PAPPA2: variants seen among roughly 807,000 people sequenced by gnomAD.
The protein encoded by PAPPA2 is pappalysin-2.
In PAPPA2, 86 loss-of-function variants were observed where a neutral mutation model predicts 176.4. The observed-to-expected ratio is 0.49, with a 90% CI of 0.41 to 0.58. PAPPA2 has a LOEUF of 0.58. PAPPA2 is among the 20% of genes least tolerant of loss of function. The pLI is 0.00. For missense variants in PAPPA2, 2,073 were observed against 2,256.9 expected, an observed-to-expected ratio of 0.92 and a Z score of 1.65; for synonymous variants, 809 against 852.2, an observed-to-expected ratio of 0.95 and a Z score of 0.88.
chr1:176,560,243 TAAAGA>T (rs1264924209), intron 2 of PAPPA2, among the ~76,000 whole-genome samples: 1 of 152,144 alleles, frequency 6.6e-6, no homozygotes, highest in Non-Finnish European at 1.5e-5. Flanking sequence ...TAGCAACTAG[TAAAGA>T]AAAGAAAATC....
At chr1:176,620,938 A>G (rs1486979515) in intron 3 of PAPPA2, among the ~76,000 whole-genome samples, 2 of 152,202 alleles carry the variant, frequency 1.3e-5, no homozygotes, top group South Asian at 2.1e-4. Context: ...TACTAAAGGT[A>G]CATTCTGCCT....
intron 17 of PAPPA2, among the ~76,000 whole-genome samples, chr1:176,786,179 G>T (rs1664927129): frequency 6.6e-6 from 1 of 152,126 alleles, no homozygotes. Context: ...CCTCGTTAGA[G>T]TAAAAAAGAG....
At chr1:176,665,045 A>T (rs1213870431) in intron 3 of PAPPA2, among the ~76,000 whole-genome samples, 1 of 152,116 alleles carries the variant, frequency 6.6e-6, no homozygotes, top group African/African-American at 2.4e-5. Flanking sequence ...TGTGTCATAG[A>T]AAGAGTATTA....
chr1:176,650,135 T>C (rs2102741211), intron 3 of PAPPA2, among the ~76,000 whole-genome samples: 1 of 151,698 alleles, frequency 6.6e-6, no homozygotes, highest in East Asian at 2.0e-4. Context: ...GTCCCCTTTG[T>C]CATTATATGG....
intron 2 of PAPPA2, among the ~76,000 whole-genome samples, chr1:176,579,916 T>A (rs976394434): frequency 6.6e-5 from 10 of 152,246 alleles, no homozygotes; most frequent in African/African-American, 2.2e-4. Context: ...TAAATCGATA[T>A]GTAATAATTG....
At chr1:176,799,456 C>T (rs1665579647) in intron 20 of PAPPA2, among the ~76,000 whole-genome samples, 1 of 152,170 alleles carries the variant, frequency 6.6e-6, no homozygotes, top group South Asian at 2.1e-4. Flanking sequence ...TGATTTCACA[C>T]TAGCCCTGTG....
intron 1 of PAPPA2, among the ~76,000 whole-genome samples, chr1:176,485,337 T>A (rs550520118): frequency 1.3e-5 from 2 of 152,278 alleles, no homozygotes; most frequent in South Asian, 4.1e-4. Flanking sequence ...TTTTTTCTTC[T>A]GTGTCACTCC....
At chr1:176,761,397 A>G (rs1663693405) in intron 14 of PAPPA2, among the ~76,000 whole-genome samples, 1 of 152,180 alleles carries the variant, frequency 6.6e-6, no homozygotes, top group South Asian at 2.1e-4. Context: ...AACACGTTGT[A>G]ATGGGGTGGG....
At chr1:176,631,119 C>T (rs1321912809) in intron 3 of PAPPA2, among the ~76,000 whole-genome samples, 1 of 152,038 alleles carries the variant, frequency 6.6e-6, no homozygotes, top group Non-Finnish European at 1.5e-5. Context: ...GCTATGTAGT[C>T]CCAGGAATTT....
At chr1:176,820,068 C>T (rs1666594877) in intron 21 of PAPPA2, among the ~76,000 whole-genome samples, 1 of 152,020 alleles carries the variant, frequency 6.6e-6, no homozygotes, top group East Asian at 1.9e-4. Flanking sequence ...TATTTGGCCT[C>T]TATTTCATTG....
chr1:176,676,378 C>T (rs1395718200), intron 4 of PAPPA2, among the ~76,000 whole-genome samples: 1 of 151,596 alleles, frequency 6.6e-6, no homozygotes, highest in Non-Finnish European at 1.5e-5. Context: ...CTGTGTACAT[C>T]GACACAATGA....
Position 176,576,655 on chromosome 1 carries a change from C to T in PAPPA2, c.920-17869C>T, listed in dbSNP as rs536996455. 6.6e-5 allele frequency among the ~76,000 whole-genome samples: 10 copies of T among 152,224 alleles called. No homozygotes were observed. The South Asian group carries it at 2.1e-3, about 32-fold the overall frequency. On this transcript the variant is annotated intron_variant, in intron 2 of 22. Coordinates refer to ENST00000367662, the MANE Select transcript of PAPPA2 (RefSeq NM_020318.3). ...ATTGTGGTCTGCCCTGATTTGGAGTCCTGCTCCTCAGTGTATGGTTTGAGA... is the reference window on the plus strand; with the variant it reads ...ATTGTGGTCTGCCCTGATTTGGAGTTCTGCTCCTCAGTGTATGGTTTGAGA...
chr1:176,800,151 C>G lies in PAPPA2; in HGVS notation c.5202+19C>G, dbSNP rs1247613665. 6.2e-7 allele frequency: 1 copy of G among 1,612,746 alleles called. No individual in the cohort carries two copies. The highest frequency in any genetic ancestry group is 1.3e-5 in the African/African-American group (1 of 74,870). On this transcript the variant is annotated intron_variant, in intron 21 of 22. Transcript: ENST00000367662. ...ATGTGAGGTAAGATAGCCTCCCCTT[C>G]CCCAACTCAGACTAGAGAACTCAGG...
At chr1:176,766,042 G>C (rs961419725) in intron 15 of PAPPA2, among the ~76,000 whole-genome samples, 1 of 152,148 alleles carries the variant, frequency 6.6e-6, no homozygotes, top group African/African-American at 2.4e-5. Flanking sequence ...TAAGTGGGTT[G>C]GTGGGCAGTA....
chr1:176,595,350 G>A lies in PAPPA2; in HGVS notation c.1746G>A (p.Val582=). The part of the protein sequence containing the change: ...VHNSTLRHRV[V]LVNCEPSKIG... ...ATTCCACCCTGCGACACCGGGTTGT[G>A]CTTGTGAACTGTGAGCCCAGCAAGA... is the stretch of plus-strand genomic sequence containing the variant. The change falls in exon 3 of 23, where the codon GTG becomes GTA. Residue 582 remains valine (V), a synonymous_variant. Coordinates refer to ENST00000367662, the MANE Select transcript of PAPPA2 (RefSeq NM_020318.3). 6.2e-7 allele frequency: 1 copy of A among 1,614,188 alleles called. No individual in the cohort carries two copies. The highest frequency in any genetic ancestry group is 8.5e-7 in the Non-Finnish European group (1 of 1,180,030).
chr1:176,482,152 A>G (rs1473621663), intron 1 of PAPPA2, among the ~76,000 whole-genome samples: 3 of 152,332 alleles, frequency 2.0e-5, no homozygotes, highest in South Asian at 2.1e-4. Flanking sequence ...ATCTCACTGC[A>G]TAGAGGTAAA....
At chr1:176,512,115 A>T (rs1648634303) in intron 1 of PAPPA2, among the ~76,000 whole-genome samples, 1 of 152,058 alleles carries the variant, frequency 6.6e-6, no homozygotes, top group Non-Finnish European at 1.5e-5. Context: ...CAGAAGACAT[A>T]AGTGGCCAAT....
Position 176,557,066 on chromosome 1 carries a change from C to T in PAPPA2, c.744C>T (p.Tyr248=). ...ESNQNGGEGS[Y]REAETFNSQV... is the part of the protein sequence containing the mutation. ...ACCAAAATGGTGGAGAGGGCTCCTA[C>T]CGAGAAGCAGAGACCTTTAACTCCC... Residue 248 remains tyrosine, a synonymous_variant, in exon 2 of 23, where the codon TAC becomes TAT. Coordinates refer to ENST00000367662, the MANE Select transcript of PAPPA2 (RefSeq NM_020318.3). The T allele has an allele frequency of 6.2e-7, 1 of 1,614,034 alleles. No homozygotes were observed. The highest frequency in any genetic ancestry group is 1.1e-5 in the South Asian group (1 of 91,058).
At chr1:176,790,306 G>A (rs576467328) in intron 18 of PAPPA2, among the ~76,000 whole-genome samples, 53 of 152,188 alleles carry the variant, frequency 3.5e-4, no homozygotes, top group African/African-American at 8.7e-4. Flanking sequence ...ACAAATACTA[G>A]TATTATTATT....
Sources: gnomAD v4.1 joint callset for allele counts (sites outside exome capture counted in the v4.1 genomes callset) on GRCh38, gnomAD v4.1.1 for gene constraint, MANE v1.5 for transcripts, NCBI Gene and HGNC (gene_info 2026-07-23, HGNC 2026-07-21) for gene names.